FILIP1: variants seen among roughly 807,000 people sequenced by gnomAD.
FILIP1 encodes the protein filamin-A-interacting protein 1.
A neutral mutation model predicts 102.1 loss-of-function variants in FILIP1; 61 were observed. The observed-to-expected ratio is 0.60, with a 90% CI of 0.49 to 0.74. The LOEUF (loss-of-function observed/expected upper bound fraction) is 0.74. Among genes scored for constraint, FILIP1 ranks in the 30% least tolerant of loss-of-function variants. FILIP1 has a pLI of 0.00. For synonymous variants in FILIP1, 491 were observed against 526.9 expected (o/e 0.93, Z 0.93); for missense variants, 1,314 against 1,441.2 (o/e 0.91, Z 1.43).
chr6:75,479,336 T>C (rs950685833), intron 1 of FILIP1, among the ~76,000 whole-genome samples: 1 of 152,188 alleles, frequency 6.6e-6, no homozygotes, highest in African/African-American at 2.4e-5. Flanking sequence ...ATTGTTGTTT[T>C]TCTGGAAACT....
intron 3 of FILIP1, chr6:75,357,130 T>G (rs1401725735): frequency 6.6e-6 from 1 of 152,222 alleles, no homozygotes; most frequent in African/African-American, 2.4e-5. Flanking sequence ...ACTGGATGTG[T>G]GCAGCCCAGC....
intron 1 of FILIP1, among the ~76,000 whole-genome samples, chr6:75,437,323 A>T (rs1322280732): frequency 6.6e-6 from 1 of 152,252 alleles, no homozygotes; most frequent in Non-Finnish European, 1.5e-5. Flanking sequence ...GTATGGACAA[A>T]CTTAAAACAA....
chr6:75,477,448 A>G (rs1277547046), intron 1 of FILIP1, among the ~76,000 whole-genome samples: 3 of 152,212 alleles, frequency 2.0e-5, no homozygotes, highest in African/African-American at 7.2e-5. Flanking sequence ...AAAAAATGAT[A>G]GGTGATGAAT....
rs1395001803 is a variant in FILIP1 at position 75,368,846 on chromosome 6, C to A, written c.277-5929G>T. Among the ~76,000 whole-genome samples, 4 of 152,154 alleles carry A rather than the reference C, an allele frequency of 2.6e-5. No individual in the cohort carries two copies. The East Asian group carries it at 7.7e-4, about 29-fold the overall frequency. ...AGCAAGAGACTTTGGAGTTTTTGAG[C>A]AGCAGGACAGCGATGGTCAGATTTG... On this transcript the variant is annotated intron_variant, in intron 2 of 5. Transcript: ENST00000237172.
Position 75,313,742 on chromosome 6 carries a change from C to T in FILIP1, c.2090G>A (p.Gly697Asp), listed in dbSNP as rs775856904. 4 of 1,579,930 alleles carry T rather than the reference C, an allele frequency of 2.5e-6. No individual in the cohort carries two copies. Among genetic ancestry groups the T allele is most frequent in the Non-Finnish European group, 3.4e-6 (4 of 1,166,776 alleles). Residue 697 changes from glycine (G) to aspartate (D), a missense_variant, in exon 5 of 6, where the codon GGT (glycine) becomes GAT (aspartate). Gly to Asp is a moderately conservative substitution (Grantham distance 94). Around this residue, in one of 3 missense-constraint regions of FILIP1, gnomAD observed 816 missense variants for 913.1 expected, o/e 0.89. Coordinates refer to ENST00000237172, the MANE Select transcript of FILIP1 (RefSeq NM_015687.5). The surrounding 1 kb of genome is among the most constrained non-coding windows in gnomAD (Gnocchi z 4.2). ...QIAKNKAIEK[G>D]EVVSQEAELR... is the part of the protein sequence containing the mutation. ...TTCAGCTTCCTGGCTCACAACCTCA[C>T]CCTTCTCTATTGCTTTATTCTTGGC...
At chr6:75,487,818 T>C (rs533788505) in intron 1 of FILIP1, among the ~76,000 whole-genome samples, 148 of 152,184 alleles carry the variant, frequency 9.7e-4, no homozygotes, top group Middle Eastern at 3.4e-3. Context: ...CTTGGGAAGA[T>C]TGCAATTACA....
intron 1 of FILIP1, among the ~76,000 whole-genome samples, chr6:75,440,180 C>T (rs1325076118): frequency 6.6e-6 from 1 of 152,024 alleles, no homozygotes; most frequent in African/African-American, 2.4e-5. Context: ...CTTTGGGCAA[C>T]TTTTTGGGAA....
At chr6:75,372,707 AAGAAAGG>A (rs1411235222) in intron 2 of FILIP1, among the ~76,000 whole-genome samples, 4 of 45,346 alleles carry the variant, frequency 8.8e-5, no homozygotes, top group African/African-American at 4.2e-4. Flanking sequence ...GAAAGAAAGA[AAGAAAGG>A]AAAGAAAGAG....
chr6:75,444,471 T>C (rs1778376346), intron 1 of FILIP1, among the ~76,000 whole-genome samples: 1 of 152,228 alleles, frequency 6.6e-6, no homozygotes, highest in Non-Finnish European at 1.5e-5. Context: ...TTATAAATTT[T>C]TTTTTCTACA....
intron 1 of FILIP1, among the ~76,000 whole-genome samples, chr6:75,416,137 T>C (rs1313908500): frequency 6.6e-6 from 1 of 152,128 alleles, no homozygotes; most frequent in Non-Finnish European, 1.5e-5. Context: ...TATATGAAAG[T>C]AAATTTCCTT....
intron 2 of FILIP1, among the ~76,000 whole-genome samples, chr6:75,407,015 A>G: frequency 6.6e-6 from 1 of 152,158 alleles, no homozygotes; most frequent in East Asian, 1.9e-4. Context: ...TTATTTATTA[A>G]TTAAAGCCCA....
chr6:75,428,012 T>C (rs1777687012), intron 1 of FILIP1, among the ~76,000 whole-genome samples: 1 of 152,192 alleles, frequency 6.6e-6, no homozygotes, highest in Admixed American at 6.5e-5. Context: ...GAGGAAGGTC[T>C]TTCTTTAAAT....
At chr6:75,347,711 T>C (rs912033511) in intron 4 of FILIP1, among the ~76,000 whole-genome samples, 43 of 152,140 alleles carry the variant, frequency 2.8e-4, no homozygotes, top group African/African-American at 9.9e-4. Context: ...TGATTCTGAC[T>C]AGTCATTCCC....
intron 1 of FILIP1, among the ~76,000 whole-genome samples, chr6:75,415,564 G>A (rs1176053320): frequency 1.4e-5 from 2 of 146,774 alleles, no homozygotes; most frequent in East Asian, 2.0e-4. Flanking sequence ...AGCCCACATA[G>A]GGTGGGGGCT....
Position 75,414,742 on chromosome 6 carries a change from T to C in FILIP1, c.231A>G (p.Lys77=), listed in dbSNP as rs762908951. ...RKTKKSLELS[K]EDLIQLLSIM... is the part of the protein sequence containing the mutation. ...TACTGAGTAGTTGGATGAGGTCTTC[T>C]TTGGATAACTCCAGGGATTTCTTAG... is the stretch of plus-strand genomic sequence containing the variant. The change falls in exon 2 of 6, where the codon AAA becomes AAG. Residue 77 remains lysine (K), a synonymous_variant. Transcript: ENST00000237172. 6.2e-7 allele frequency: 1 copy of C among 1,613,912 alleles called. No homozygotes were observed. The highest frequency in any genetic ancestry group is 1.1e-5 in the South Asian group (1 of 91,074).
intron 1 of FILIP1, chr6:75,465,212 A>G: frequency 4.9e-6 from 1 of 206,118 alleles, no homozygotes; most frequent in Non-Finnish European, 9.7e-6. Context: ...AGAAAGGAGC[A>G]GGAGATGGCA....
Position 75,312,907 on chromosome 6 carries a change from T to C in FILIP1, c.2925A>G (p.Glu975=). The change falls in exon 5 of 6, where the codon GAA becomes GAG. Residue 975 remains glutamate (E), a synonymous_variant. Coordinates refer to ENST00000237172, the MANE Select transcript of FILIP1 (RefSeq NM_015687.5). ...TAATTGTGACTGGGGACATGGCTCG[T>C]TCTGGGCCAAGAGTAGTATCTCCAC... ...QKSGDTTLGP[E]RAMSPVTITT... 6.2e-7 allele frequency: 1 copy of C among 1,614,200 alleles called. No homozygotes were observed. The highest frequency in any genetic ancestry group is 8.5e-7 in the Non-Finnish European group (1 of 1,180,028).
intron 1 of FILIP1, among the ~76,000 whole-genome samples, chr6:75,415,430 T>A (rs1212987733): frequency 1.4e-5 from 2 of 142,616 alleles, no homozygotes; most frequent in African/African-American, 5.2e-5. Flanking sequence ...AAAATAAAAA[T>A]AAATAAATAA....
intron 2 of FILIP1, among the ~76,000 whole-genome samples, chr6:75,407,880 T>G (rs74436469): frequency 0.022 from 3,278 of 152,334 alleles, 56 homozygotes; most frequent in Non-Finnish European, 0.033. Context: ...AATTAGTTTG[T>G]CCCTTGTTCT....
Sources: allele counts gnomAD v4.1 joint callset (sites outside exome capture counted in the v4.1 genomes callset), GRCh38; gene constraint gnomAD v4.1.1; regional missense constraint gnomAD v4.1.1; non-coding constraint Gnocchi (gnomAD v3.1); transcripts MANE v1.5; gene names NCBI Gene and HGNC (gene_info 2026-07-23, HGNC 2026-07-21).